The following CFAP299 variants were observed in gnomAD, a reference collection of about 807,000 sequenced individuals.
CFAP299 encodes the protein cilia- and flagella-associated protein 299.
In CFAP299, 21 loss-of-function variants were observed where a neutral mutation model predicts 27.0. The ratio of observed to expected loss-of-function variants is 0.78; its 90% CI spans 0.55 to 1.12. The LOEUF (loss-of-function observed/expected upper bound fraction) is 1.12. CFAP299 is among the 50% of genes most tolerant of loss of function. CFAP299 has a pLI of 0.00. For synonymous variants in CFAP299, 104 were observed against 98.1 expected, an observed-to-expected ratio of 1.06 and a Z score of -0.36; for missense variants, 310 against 276.6, an observed-to-expected ratio of 1.12 and a Z score of -0.86.
chr4:80,895,013 G>C (rs1370138844), intron 4 of CFAP299, among the ~76,000 whole-genome samples: 1 of 151,850 alleles, frequency 6.6e-6, no homozygotes, highest in African/African-American at 2.4e-5. Context: ...GGAGTTCAGG[G>C]GCAATGGAAA....
At chr4:80,784,997 G>T (rs1433579831) in intron 3 of CFAP299, among the ~76,000 whole-genome samples, 1 of 151,958 alleles carries the variant, frequency 6.6e-6, no homozygotes, top group East Asian at 1.9e-4. Context: ...TCCATAGGTT[G>T]CCTTTTCATT....
intron 3 of CFAP299, among the ~76,000 whole-genome samples, chr4:80,712,961 C>T (rs1408042026): frequency 2.6e-5 from 4 of 152,038 alleles, no homozygotes; most frequent in Non-Finnish European, 5.9e-5. Flanking sequence ...TCCTTTCATT[C>T]ATTCATTTTT....
chr4:80,335,693 G>A, upstream of CFAP299: 1 of 862,028 alleles, frequency 1.2e-6, no homozygotes, highest in East Asian at 2.4e-5. Context: ...TGATTGGCAG[G>A]AACGAAGTGG....
intron 2 of CFAP299, among the ~76,000 whole-genome samples, chr4:80,555,383 G>A (rs186038982): frequency 9.9e-4 from 150 of 152,188 alleles, no homozygotes; most frequent in Non-Finnish European, 1.8e-3. Flanking sequence ...TTGATGTGCT[G>A]CTAGATTTGG....
At chr4:80,364,168 T>G (rs1490221762) in intron 2 of CFAP299, among the ~76,000 whole-genome samples, 1 of 148,348 alleles carries the variant, frequency 6.7e-6, no homozygotes, top group Non-Finnish European at 1.5e-5. Flanking sequence ...CCAAGCCCTC[T>G]GTATAGTATA....
chr4:80,390,297 CT>C lies in CFAP299; in HGVS notation c.242+27414del, dbSNP rs953745809. Among the ~76,000 whole-genome samples the C allele has an allele frequency of 3.3e-5, 5 of 151,998 alleles. No individual in the cohort carries two copies. The South Asian group carries it at 8.3e-4, about 25-fold the overall frequency. ...CCGATTTACCCTACCCCCCAACCCC[CT>C]GGCAACCATCTGTTCTCTGCTTTTA... is the stretch of plus-strand genomic sequence containing the variant. On this transcript the variant is annotated intron_variant, in intron 2 of 5. Coordinates refer to ENST00000358105, the MANE Select transcript of CFAP299 (RefSeq NM_152770.3).
At chr4:80,647,607 C>T (rs2109965778) in intron 3 of CFAP299, among the ~76,000 whole-genome samples, 2 of 152,178 alleles carry the variant, frequency 1.3e-5, no homozygotes, top group East Asian at 3.9e-4. Flanking sequence ...ATACTGCTTG[C>T]TGTCTATGCA....
intron 3 of CFAP299, among the ~76,000 whole-genome samples, chr4:80,592,922 C>T (rs77970004): frequency 7.9e-5 from 12 of 152,298 alleles, no homozygotes; most frequent in African/African-American, 2.9e-4. Context: ...ATCATGTTTA[C>T]TTCTCTTTTT....
At chr4:80,508,580 G>A (rs1208028568) in intron 2 of CFAP299, among the ~76,000 whole-genome samples, 2 of 152,150 alleles carry the variant, frequency 1.3e-5, no homozygotes, top group South Asian at 4.2e-4. Context: ...GTAAACTGAG[G>A]CAGAGTCTTG....
At chr4:80,762,187 G>A (rs1229059548) in intron 3 of CFAP299, among the ~76,000 whole-genome samples, 3 of 151,778 alleles carry the variant, frequency 2.0e-5, no homozygotes, top group African/African-American at 7.3e-5. Flanking sequence ...CTCAGGATAT[G>A]TTTCAAAAAC....
At chr4:80,876,541 C>A (rs1253161556) in intron 4 of CFAP299, among the ~76,000 whole-genome samples, 2 of 152,140 alleles carry the variant, frequency 1.3e-5, no homozygotes, top group Non-Finnish European at 2.9e-5. Context: ...ACTTCCCAGT[C>A]TTGGGTGTTT....
intron 3 of CFAP299, among the ~76,000 whole-genome samples, chr4:80,861,137 G>A (rs564049476): frequency 7.1e-4 from 108 of 152,304 alleles, no homozygotes; most frequent in African/African-American, 2.4e-3. Context: ...CCCCAGCCTC[G>A]CTGCCACCTT....
intron 1 of CFAP299, among the ~76,000 whole-genome samples, chr4:80,346,188 G>A (rs1322554343): frequency 6.6e-6 from 1 of 152,134 alleles, no homozygotes; most frequent in East Asian, 1.9e-4. Context: ...TTTGTCAGAT[G>A]GGTAGATTGC....
intron 2 of CFAP299, among the ~76,000 whole-genome samples, chr4:80,509,017 G>C (rs1478657316): frequency 6.6e-6 from 1 of 152,096 alleles, no homozygotes; most frequent in Non-Finnish European, 1.5e-5. Flanking sequence ...TAGAAGTTTA[G>C]CCTTTCCTAA....
chr4:80,383,765 T>C (rs923100852), intron 2 of CFAP299, among the ~76,000 whole-genome samples: 1 of 152,200 alleles, frequency 6.6e-6, no homozygotes, highest in African/African-American at 2.4e-5. Flanking sequence ...GCAACTATAT[T>C]GAGCAATTGT....
At chr4:80,648,540 T>C (rs1201291834) in intron 3 of CFAP299, among the ~76,000 whole-genome samples, 1 of 152,174 alleles carries the variant, frequency 6.6e-6, no homozygotes, top group South Asian at 2.1e-4. Context: ...TTCGTGGTTC[T>C]GGGACAATGT....
chr4:80,840,694 G>C (rs1056099237), intron 3 of CFAP299, among the ~76,000 whole-genome samples: 1 of 151,934 alleles, frequency 6.6e-6, no homozygotes, highest in Non-Finnish European at 1.5e-5. Context: ...GATCCTTCTG[G>C]ACTTATGAGC....
At chr4:80,339,996 A>G (rs1265404391) in intron 1 of CFAP299, among the ~76,000 whole-genome samples, 1 of 152,198 alleles carries the variant, frequency 6.6e-6, no homozygotes, top group Non-Finnish European at 1.5e-5. Context: ...CACTTAGGGC[A>G]TTGTCTTCCC....
At chr4:80,388,508 G>T (rs777243327) in intron 2 of CFAP299, 2 of 1,417,900 alleles carry the variant, frequency 1.4e-6, no homozygotes, top group African/African-American at 1.5e-5. Flanking sequence ...CCGCTTGTGG[G>T]TCATAAACAC....
Sources: allele counts gnomAD v4.1 joint callset (sites outside exome capture counted in the v4.1 genomes callset), GRCh38; gene constraint gnomAD v4.1.1; transcripts MANE v1.5; gene names NCBI Gene and HGNC (gene_info 2026-07-23, HGNC 2026-07-21).